The following MAMDC2 variants were observed in gnomAD, a reference collection of about 807,000 sequenced individuals.
The protein encoded by MAMDC2 is MAM domain containing 2.
In MAMDC2, 57 loss-of-function variants were observed where a neutral mutation model predicts 89.8. The ratio of observed to expected loss-of-function variants is 0.63; its 90% CI spans 0.51 to 0.79. MAMDC2 has a LOEUF of 0.79. Among genes scored for constraint, MAMDC2 ranks in the 30% least tolerant of loss-of-function variants. The pLI is 0.00. For missense variants in MAMDC2, 800 were observed against 820.6 expected, an observed-to-expected ratio of 0.97 and a Z score of 0.31; for synonymous variants, 313 against 293.4, an observed-to-expected ratio of 1.07 and a Z score of -0.68.
chr9:70,131,563 T>G lies in MAMDC2; in HGVS notation c.945T>G (p.Val315=), dbSNP rs774173533. 1 of 1,609,770 alleles carries G rather than the reference T, an allele frequency of 6.2e-7. No homozygotes were observed. Among genetic ancestry groups the G allele is most frequent in the Non-Finnish European group, 8.5e-7 (1 of 1,179,100 alleles). ...VAFNGPKGGY[V]ALDDISFSPV... is the part of the protein sequence containing the mutation. ...TCAATGGTCCCAAGGGAGGTTATGT[T>G]GCCCTGGATGATATTTCATTCTCTC... Residue 315 remains valine, a synonymous_variant, in exon 7 of 14, where the codon GTT becomes GTG. Transcript: ENST00000377182.
intron 2 of MAMDC2, among the ~76,000 whole-genome samples, chr9:70,063,785 G>T (rs1827202817): frequency 6.6e-6 from 1 of 151,968 alleles, no homozygotes; most frequent in African/African-American, 2.4e-5. Context: ...CTGTAATTAG[G>T]TATCATTATT....
At chr9:70,160,819 G>A (rs2031945262) in intron 9 of MAMDC2, among the ~76,000 whole-genome samples, 1 of 152,164 alleles carries the variant, frequency 6.6e-6, no homozygotes. Flanking sequence ...CCTGTGCTGA[G>A]TTACCAAAAT....
At chr9:70,106,367 C>A (rs545705418) in intron 2 of MAMDC2, among the ~76,000 whole-genome samples, 1 of 152,202 alleles carries the variant, frequency 6.6e-6, no homozygotes, top group African/African-American at 2.4e-5. Flanking sequence ...CCATGTCCAA[C>A]TCTCTACTTC....
intron 11 of MAMDC2, among the ~76,000 whole-genome samples, chr9:70,191,633 G>A (rs1346432719): frequency 1.3e-5 from 2 of 152,052 alleles, no homozygotes; most frequent in African/African-American, 4.8e-5. Context: ...CTAGAATAGA[G>A]CAAGTCACCT....
intron 9 of MAMDC2, among the ~76,000 whole-genome samples, chr9:70,165,723 T>C (rs532190033): frequency 6.6e-6 from 1 of 152,354 alleles, no homozygotes; most frequent in East Asian, 1.9e-4. Context: ...GAGGAAATGC[T>C]GCATACCTGC....
At chr9:70,055,101 A>C (rs145972379) in intron 2 of MAMDC2, among the ~76,000 whole-genome samples, 35 of 152,258 alleles carry the variant, frequency 2.3e-4, no homozygotes, top group African/African-American at 7.7e-4. Context: ...CTGCAGGAGA[A>C]TGTTTTAGGT....
At chr9:70,103,113 A>C (rs1312105801) in intron 2 of MAMDC2, among the ~76,000 whole-genome samples, 1 of 152,228 alleles carries the variant, frequency 6.6e-6, no homozygotes, top group Non-Finnish European at 1.5e-5. Context: ...AATGGTCAAA[A>C]TCAACTTTTT....
At chr9:70,064,352 T>C (rs561710699) in intron 2 of MAMDC2, among the ~76,000 whole-genome samples, 1 of 152,254 alleles carries the variant, frequency 6.6e-6, no homozygotes, top group South Asian at 2.1e-4. Flanking sequence ...ATTGTATCAC[T>C]CTTATGCCTG....
chr9:70,199,388 T>C (rs2033049198), intron 11 of MAMDC2, among the ~76,000 whole-genome samples: 1 of 147,992 alleles, frequency 6.8e-6, no homozygotes, highest in South Asian at 2.3e-4. Context: ...ACTCATCATT[T>C]TTTATGGCTG....
chr9:70,162,707 G>A (rs2118497323), intron 9 of MAMDC2, among the ~76,000 whole-genome samples: 1 of 152,072 alleles, frequency 6.6e-6, no homozygotes, highest in East Asian at 2.0e-4. Flanking sequence ...GCTCAGGCTG[G>A]TCTCGAACTG....
chr9:70,178,916 G>A (rs2032571030), intron 11 of MAMDC2, among the ~76,000 whole-genome samples: 1 of 152,192 alleles, frequency 6.6e-6, no homozygotes, highest in African/African-American at 2.4e-5. Context: ...ATTAAACAGT[G>A]TGGCAGCTTT....
rs2033646780 is a variant in MAMDC2, at chr9:70,226,871, GCTTTT to G, written c.*840_*844del. The stretch of plus-strand genomic sequence containing the variant: ...TGAATTCAGGCAGATATACTAAACT[GCTTTT>G]ATTTACTTGTTTAGAAAATTGTATA... On this transcript the variant is annotated 3_prime_UTR_variant, in exon 14 of 14. Transcript: ENST00000377182. 1 of 151,966 alleles carries G rather than the reference GCTTTT, an allele frequency of 6.6e-6. No individual in the cohort carries two copies. The highest frequency in any genetic ancestry group is 2.4e-5 in the African/African-American group (1 of 41,410). The allele number at this position is 151,966 out of a possible 1,614,324, so 9.4% of individuals were successfully genotyped here.
intron 11 of MAMDC2, among the ~76,000 whole-genome samples, chr9:70,183,795 T>C (rs2032693682): frequency 6.6e-6 from 1 of 152,196 alleles, no homozygotes. Context: ...CTTGACTCTA[T>C]CCAATTTGCC....
intron 11 of MAMDC2, chr9:70,194,372 G>A (rs544534721): frequency 6.6e-6 from 1 of 152,180 alleles, no homozygotes; most frequent in African/African-American, 2.4e-5. Flanking sequence ...TAGGCAATGA[G>A]GGCTCCTCCC....
At chr9:70,133,186 T>A (rs1387277488) in intron 7 of MAMDC2, among the ~76,000 whole-genome samples, 1 of 152,214 alleles carries the variant, frequency 6.6e-6, no homozygotes, top group African/African-American at 2.4e-5. Context: ...AAATTTATAT[T>A]CCCTTGTTTT....
At chr9:70,204,438 G>A (rs1352552331) in intron 11 of MAMDC2, among the ~76,000 whole-genome samples, 10 of 150,928 alleles carry the variant, frequency 6.6e-5, no homozygotes, top group Admixed American at 4.6e-4. Flanking sequence ...TGCGTGCTGG[G>A]AGAACCACTG....
intron 10 of MAMDC2, chr9:70,169,540 T>A (rs962866906): frequency 1.3e-5 from 2 of 152,192 alleles, no homozygotes; most frequent in Admixed American, 6.5e-5. Flanking sequence ...ACAACCCAGA[T>A]AAAAATCGTT....
At chr9:70,054,471 A>C (rs1248384181) in intron 2 of MAMDC2, among the ~76,000 whole-genome samples, 1 of 152,204 alleles carries the variant, frequency 6.6e-6, no homozygotes, top group African/African-American at 2.4e-5. Context: ...AGGGTGGAAC[A>C]AATGGGAAAT....
chr9:70,055,346 G>C (rs1157074623), intron 2 of MAMDC2, among the ~76,000 whole-genome samples: 1 of 151,658 alleles, frequency 6.6e-6, no homozygotes, highest in Non-Finnish European at 1.5e-5. Context: ...ATGAGAAACT[G>C]TGAGACACAG....
Sources: allele counts gnomAD v4.1 joint callset (sites outside exome capture counted in the v4.1 genomes callset), GRCh38; gene constraint gnomAD v4.1.1; transcripts MANE v1.5; gene names NCBI Gene and HGNC (gene_info 2026-07-23, HGNC 2026-07-21).